Variants in PITPNM3 observed in about 807,000 individuals in gnomAD.
PITPNM3 encodes the protein membrane-associated phosphatidylinositol transfer protein 3.
In PITPNM3, 26 loss-of-function variants were observed where a neutral mutation model predicts 102.0. That is an observed-to-expected ratio of 0.25 (90% confidence interval 0.19 to 0.35). The LOEUF (loss-of-function observed/expected upper bound fraction) is 0.35, where lower values mean the gene tolerates loss of function less well. Among genes scored for constraint, PITPNM3 ranks in the 10% least tolerant of loss-of-function variants. The pLI is 1.00. For missense variants in PITPNM3, 1,083 were observed against 1,346.1 expected (o/e 0.80, Z 3.06); for synonymous variants, 578 against 558.6 (o/e 1.03, Z -0.49).
chr17:6,456,030 AT>A (rs1914101682), intron 19 of PITPNM3, among the ~76,000 whole-genome samples: 1 of 151,560 alleles, frequency 6.6e-6, no homozygotes, highest in Non-Finnish European at 1.5e-5. Context: ...TAATTAATTA[AT>A]TTATTTATTT....
rs1908240332 is a variant in PITPNM3 at position 6,517,237 on chromosome 17, G to A, written c.226+8119C>T. Among the ~76,000 whole-genome samples, 1 of 152,164 alleles carries A rather than the reference G, an allele frequency of 6.6e-6. No individual in the cohort carries two copies. The highest frequency in any genetic ancestry group is 2.4e-5 in the African/African-American group (1 of 41,422). On this transcript the variant is annotated intron_variant, in intron 3 of 19. Coordinates refer to ENST00000262483, the MANE Select transcript of PITPNM3 (RefSeq NM_031220.4). This position sits in a 1 kb window ranked among gnomAD's most constrained non-coding sequence, Gnocchi z 4.1. ...CAGTGAGACCTATATGCTACAAAGG[G>A]CAAATTTTACTGAATATAAATCATA...
chr17:6,536,183 A>T (rs1400875793), intron 2 of PITPNM3, among the ~76,000 whole-genome samples: 1 of 152,054 alleles, frequency 6.6e-6, no homozygotes, highest in African/African-American at 2.4e-5. Flanking sequence ...AAGCCGTGAG[A>T]TGGGAGGGAG....
intron 2 of PITPNM3, among the ~76,000 whole-genome samples, chr17:6,529,885 T>TCC (rs59846311): frequency 0.23 from 35,718 of 152,104 alleles, 4,812 homozygotes; most frequent in Middle Eastern, 0.39. Context: ...TCCCCAGACA[T>TCC]GTTGGGGCTG....
At chr17:6,456,934 C>T (rs1187103851) in intron 19 of PITPNM3, among the ~76,000 whole-genome samples, 2 of 152,210 alleles carry the variant, frequency 1.3e-5, no homozygotes, top group Non-Finnish European at 2.9e-5. Context: ...TCAATGTCCT[C>T]TCGGCTTTTC....
intron 3 of PITPNM3, among the ~76,000 whole-genome samples, chr17:6,508,434 T>C (rs1311882007): frequency 6.6e-6 from 1 of 152,186 alleles, no homozygotes; most frequent in Non-Finnish European, 1.5e-5. Flanking sequence ...GACACCCCAA[T>C]ACTGGGAAGG....
At chr17:6,536,050 C>T (rs1347734843) in intron 2 of PITPNM3, among the ~76,000 whole-genome samples, 8 of 139,816 alleles carry the variant, frequency 5.7e-5, no homozygotes, top group Admixed American at 2.3e-4. Context: ...GGCTACAAAG[C>T]GAGACTCCAT....
In PITPNM3 at chr17:6,461,565, AT is replaced by A; in HGVS notation, c.2307-10del. On this transcript the variant is annotated splice_polypyrimidine_tract_variant and intron_variant, in intron 17 of 19. Coordinates refer to ENST00000262483, the MANE Select transcript of PITPNM3 (RefSeq NM_031220.4). ...CCAAGTCCTGCCAGTGCCTGGTGAG[AT>A]GGCATTAGAAGGGTCCAGCCCTGCC... The A allele has an allele frequency of 6.2e-7, 1 of 1,613,966 alleles. No homozygotes were observed. Among genetic ancestry groups the A allele is most frequent in the South Asian group, 1.1e-5 (1 of 91,090 alleles).
chr17:6,529,763 C>A (rs563001655), intron 2 of PITPNM3, among the ~76,000 whole-genome samples: 1 of 152,308 alleles, frequency 6.6e-6, no homozygotes, highest in African/African-American at 2.4e-5. Context: ...GGCTCTGGAC[C>A]ACAAGATTGC....
In PITPNM3 at chr17:6,537,986, C is replaced by G; in HGVS notation, c.118+1G>C. ...GTGATATGAGACTGGGGTTCACTCACCTCTGGCATCAAAGAATTCATCATC... is the reference window on the plus strand; with the variant it reads ...GTGATATGAGACTGGGGTTCACTCAGCTCTGGCATCAAAGAATTCATCATC... On this transcript the variant is annotated splice_donor_variant, in intron 2 of 19. Coordinates refer to ENST00000262483, the MANE Select transcript of PITPNM3 (RefSeq NM_031220.4). LOFTEE classifies it high-confidence loss of function. This position sits in a 1 kb window ranked among gnomAD's most constrained non-coding sequence, Gnocchi z 4.4. The G allele has an allele frequency of 6.2e-7, 1 of 1,611,386 alleles. No homozygotes were observed. The highest frequency in any genetic ancestry group is 1.1e-5 in the South Asian group (1 of 90,950).
chr17:6,526,316 A>G (rs938645120), intron 2 of PITPNM3, among the ~76,000 whole-genome samples: 3 of 152,156 alleles, frequency 2.0e-5, no homozygotes, highest in African/African-American at 7.2e-5. Context: ...ACAAAGGGAC[A>G]TTTCTTCAAA....
intron 11 of PITPNM3, among the ~76,000 whole-genome samples, chr17:6,471,910 G>C (rs888636239): frequency 6.6e-6 from 1 of 152,156 alleles, no homozygotes; most frequent in Non-Finnish European, 1.5e-5. Flanking sequence ...CAGGGATTTG[G>C]AAATAAAGGC....
intron 19 of PITPNM3, 37 bp from the exon 20 acceptor site, chr17:6,455,680 AGG>A: frequency 8.8e-7 from 1 of 1,136,162 alleles, no homozygotes. Flanking sequence ...AGGGCAGGGC[AGG>A]GCAGCAGCGC....
intron 4 of PITPNM3, among the ~76,000 whole-genome samples, chr17:6,502,324 G>A (rs1907232745): frequency 6.6e-6 from 1 of 152,150 alleles, no homozygotes; most frequent in Non-Finnish European, 1.5e-5. Flanking sequence ...ATGGTGGCCG[G>A]CGCCTGTAAT....
rs1480661216 is a variant in PITPNM3 at position 6,472,450 on chromosome 17, T to C, written c.1429+207A>G. 6.6e-6 allele frequency among the ~76,000 whole-genome samples: 1 copy of C among 152,180 alleles called. No homozygotes were observed. Among genetic ancestry groups the C allele is most frequent in the Admixed American group, 6.5e-5 (1 of 15,284 alleles). On this transcript the variant is annotated intron_variant, in intron 11 of 19. Coordinates refer to ENST00000262483, the MANE Select transcript of PITPNM3 (RefSeq NM_031220.4). This position sits in a 1 kb window ranked among gnomAD's most constrained non-coding sequence, Gnocchi z 4.1. ...CCACAGGAGTGTGTCCGGGAGCCTG[T>C]TGGGGGCCTCTGAGCCCCAAGATGC...
intron 9 of PITPNM3, among the ~76,000 whole-genome samples, chr17:6,476,490 C>A (rs527267144): frequency 2.0e-5 from 3 of 152,304 alleles, no homozygotes; most frequent in Admixed American, 6.5e-5. Flanking sequence ...TGTAGAGGAG[C>A]CTGCCTGGCC....
At chr17:6,487,690 C>A (rs540123088) in intron 4 of PITPNM3, among the ~76,000 whole-genome samples, 1 of 152,318 alleles carries the variant, frequency 6.6e-6, no homozygotes, top group South Asian at 2.1e-4. Context: ...CTGGACTCTG[C>A]GCCCTCACCC....
At chr17:6,491,261 G>A (rs1216439855) in intron 4 of PITPNM3, among the ~76,000 whole-genome samples, 2 of 152,006 alleles carry the variant, frequency 1.3e-5, no homozygotes, top group Non-Finnish European at 2.9e-5. Flanking sequence ...AGGGGCATCT[G>A]GGGAGGGGAA....
intron 10 of PITPNM3, chr17:6,473,224 C>G: frequency 3.1e-6 from 1 of 326,542 alleles, no homozygotes; most frequent in Non-Finnish European, 6.0e-6. Context: ...GGCAGGTCAG[C>G]TGCCCCTTCC....
chr17:6,471,409 C>T, intron 11 of PITPNM3, 54 bp from the exon 12 acceptor site: 1 of 1,437,132 alleles, frequency 7.0e-7, no homozygotes, highest in South Asian at 1.3e-5. Flanking sequence ...GCAGAGCTGC[C>T]CACTCAGTGC....
Sources: allele counts gnomAD v4.1 joint callset (sites outside exome capture counted in the v4.1 genomes callset), GRCh38; gene constraint gnomAD v4.1.1; non-coding constraint Gnocchi (gnomAD v3.1); transcripts MANE v1.5; gene names NCBI Gene and HGNC (gene_info 2026-07-23, HGNC 2026-07-21).